Variants in UVRAG observed in about 807,000 individuals in gnomAD.
UVRAG encodes the protein UV radiation resistance-associated gene protein.
In UVRAG, 19 loss-of-function variants were observed where a neutral mutation model predicts 78.0. The observed-to-expected ratio is 0.24, with a 90% CI of 0.17 to 0.36. UVRAG has a LOEUF of 0.36. Among genes scored for constraint, UVRAG ranks in the 10% least tolerant of loss-of-function variants. UVRAG has a pLI of 1.00. For synonymous variants in UVRAG, 323 were observed against 324.6 expected, an observed-to-expected ratio of 1.00 and a Z score of 0.05; for missense variants, 740 against 853.8, an observed-to-expected ratio of 0.87 and a Z score of 1.66.
chr11:76,103,274 A>C (rs1951909637), intron 13 of UVRAG, among the ~76,000 whole-genome samples: 1 of 152,106 alleles, frequency 6.6e-6, no homozygotes, highest in South Asian at 2.1e-4. Context: ...GAGGGGGTGA[A>C]GGTCATGGGG....
intron 6 of UVRAG, among the ~76,000 whole-genome samples, chr11:75,960,000 G>A (rs1051927163): frequency 2.0e-5 from 3 of 152,142 alleles, no homozygotes; most frequent in Admixed American, 1.3e-4. Context: ...GGTACAGCTC[G>A]TGGTGCTCCA....
At chr11:75,853,334 G>A (rs1021131969) in intron 2 of UVRAG, among the ~76,000 whole-genome samples, 8 of 152,136 alleles carry the variant, frequency 5.3e-5, no homozygotes, top group African/African-American at 1.9e-4. Flanking sequence ...AACCCCTTCA[G>A]AGTAAATAGC....
At chr11:76,081,691 G>A (rs1951497013) in intron 13 of UVRAG, among the ~76,000 whole-genome samples, 1 of 151,830 alleles carries the variant, frequency 6.6e-6, no homozygotes, top group African/African-American at 2.4e-5. Context: ...AGAGGTGATG[G>A]GAGGGTAGAT....
At chr11:76,137,456 A>G (rs1952619459) in intron 14 of UVRAG, 1 of 456,188 alleles carries the variant, frequency 2.2e-6, no homozygotes, top group Non-Finnish European at 4.4e-6. Context: ...TAAGATGGTA[A>G]GAAAAGCTGT....
chr11:76,017,760 A>G (rs990467331), intron 12 of UVRAG, among the ~76,000 whole-genome samples: 30 of 152,304 alleles, frequency 2.0e-4, no homozygotes, highest in African/African-American at 7.0e-4. Flanking sequence ...AAAAAACAGA[A>G]CTGTCCACTT....
At chr11:75,913,758 T>A (rs567037682) in intron 6 of UVRAG, among the ~76,000 whole-genome samples, 1 of 152,344 alleles carries the variant, frequency 6.6e-6, no homozygotes, top group African/African-American at 2.4e-5. Context: ...CTCACCTTCC[T>A]AAACTGGTGG....
At chr11:76,014,267 C>T (rs187715867) in intron 11 of UVRAG, among the ~76,000 whole-genome samples, 3 of 152,260 alleles carry the variant, frequency 2.0e-5, no homozygotes, top group African/African-American at 4.8e-5. Flanking sequence ...GAATGTTTAG[C>T]ATTAGATAGA....
At chr11:75,882,646 C>T (rs922726648) in intron 4 of UVRAG, among the ~76,000 whole-genome samples, 5 of 152,072 alleles carry the variant, frequency 3.3e-5, no homozygotes, top group African/African-American at 1.2e-4. Context: ...ACTTATTCCT[C>T]CTATTTAACT....
At chr11:75,846,420 C>T (rs191784182) in intron 1 of UVRAG, among the ~76,000 whole-genome samples, 45 of 152,290 alleles carry the variant, frequency 3.0e-4, no homozygotes, top group African/African-American at 1.1e-3. Flanking sequence ...TCAGTTTCAT[C>T]TTTTATGAAT....
chr11:75,944,301 A>G (rs1457571193), intron 6 of UVRAG, among the ~76,000 whole-genome samples: 3 of 152,104 alleles, frequency 2.0e-5, no homozygotes, highest in African/African-American at 4.8e-5. Flanking sequence ...TAATGTATCC[A>G]TTTTGCAAGG....
chr11:76,068,328 C>T lies in UVRAG; in HGVS notation c.1305+2540C>T, dbSNP rs1198600806. On this transcript the variant is annotated intron_variant, in intron 13 of 14. Coordinates refer to ENST00000356136, the MANE Select transcript of UVRAG (RefSeq NM_003369.4). ...GCCTCTGACTTTATTATTAACTGAA[C>T]CAGGGCCACAAGTATGCTGACCTAG... 2.0e-5 allele frequency among the ~76,000 whole-genome samples: 3 copies of T among 152,276 alleles called. No individual in the cohort carries two copies. The East Asian group carries it at 5.8e-4, about 29-fold the overall frequency.
At chr11:76,087,279 C>A (rs1321332620) in intron 13 of UVRAG, among the ~76,000 whole-genome samples, 1 of 152,198 alleles carries the variant, frequency 6.6e-6, no homozygotes, top group Non-Finnish European at 1.5e-5. Flanking sequence ...TTTACAATTA[C>A]AGATATGAGT....
intron 13 of UVRAG, among the ~76,000 whole-genome samples, chr11:76,066,758 T>C (rs1779092858): frequency 6.6e-6 from 1 of 152,132 alleles, no homozygotes; most frequent in African/African-American, 2.4e-5. Flanking sequence ...GGTGTGAGCC[T>C]TTAAAACACC....
At chr11:75,844,064 T>C (rs1295304174) in intron 1 of UVRAG, among the ~76,000 whole-genome samples, 1 of 152,078 alleles carries the variant, frequency 6.6e-6, no homozygotes, top group Non-Finnish European at 1.5e-5. Context: ...TGCTGATTGA[T>C]TGGCCTGAGC....
At chr11:75,956,343 C>T (rs1948797383) in intron 6 of UVRAG, among the ~76,000 whole-genome samples, 1 of 150,412 alleles carries the variant, frequency 6.6e-6, no homozygotes, top group Non-Finnish European at 1.5e-5. Context: ...TAAAAAATGG[C>T]ACTATTATTT....
At chr11:75,820,595 T>A (rs536341326) in intron 1 of UVRAG, among the ~76,000 whole-genome samples, 2 of 152,274 alleles carry the variant, frequency 1.3e-5, no homozygotes, top group East Asian at 3.9e-4. Context: ...GCTCAGGTGA[T>A]CCACCTGCCT....
intron 8 of UVRAG, among the ~76,000 whole-genome samples, chr11:75,996,802 A>C (rs1949716079): frequency 6.6e-6 from 1 of 152,198 alleles, no homozygotes; most frequent in African/African-American, 2.4e-5. Context: ...GATCTTTCTG[A>C]TTCATAAGTC....
chr11:75,884,233 T>C (rs1374686403), intron 4 of UVRAG, among the ~76,000 whole-genome samples: 2 of 151,754 alleles, frequency 1.3e-5, no homozygotes, highest in Non-Finnish European at 2.9e-5. Flanking sequence ...TCTCTCTCTC[T>C]CTCTCTTTCT....
intron 12 of UVRAG, among the ~76,000 whole-genome samples, chr11:76,064,427 C>A (rs910441303): frequency 2.6e-5 from 4 of 152,184 alleles, no homozygotes; most frequent in Non-Finnish European, 4.4e-5. Context: ...CTTTGCTTAT[C>A]CTGAATTTGC....
Sources: allele counts gnomAD v4.1 joint callset (sites outside exome capture counted in the v4.1 genomes callset), GRCh38; gene constraint gnomAD v4.1.1; transcripts MANE v1.5; gene names NCBI Gene and HGNC (gene_info 2026-07-23, HGNC 2026-07-21).